Variants in CACNA2D1 observed in about 807,000 individuals in gnomAD.
CACNA2D1 encodes the protein voltage-dependent calcium channel subunit alpha-2/delta-1.
A neutral mutation model predicts 171.5 loss-of-function variants in CACNA2D1; 53 were observed. That is an observed-to-expected ratio of 0.31 (90% CI 0.25 to 0.39). The LOEUF is 0.39. Ranked by LOEUF, CACNA2D1 falls within the 10% of genes least tolerant of loss-of-function variation. CACNA2D1 has a pLI of 1.00. For synonymous variants in CACNA2D1, 442 were observed against 443.1 expected (o/e 1.00, Z 0.03); for missense variants, 903 against 1,299.8 (o/e 0.69, Z 4.69).
intron 3 of CACNA2D1, among the ~76,000 whole-genome samples, chr7:82,248,041 C>CTGGGG (rs1805144737): frequency 6.6e-6 from 1 of 152,184 alleles, no homozygotes; most frequent in Non-Finnish European, 1.5e-5. Flanking sequence ...CTTTAAAACA[C>CTGGGG]TGGGCATGCC....
intron 3 of CACNA2D1, among the ~76,000 whole-genome samples, chr7:82,178,187 T>C (rs1283572789): frequency 3.3e-5 from 5 of 152,018 alleles, no homozygotes; most frequent in African/African-American, 4.8e-5. Context: ...GCTTCTGGAG[T>C]GTGTCCTATA....
chr7:82,156,349 T>A (rs898764453), intron 4 of CACNA2D1, among the ~76,000 whole-genome samples: 1 of 152,084 alleles, frequency 6.6e-6, no homozygotes, highest in African/African-American at 2.4e-5. Context: ...AGGAAGCCCT[T>A]TATAACCCAG....
At chr7:82,436,803 T>C (rs1156503673) in intron 1 of CACNA2D1, among the ~76,000 whole-genome samples, 1 of 152,168 alleles carries the variant, frequency 6.6e-6, no homozygotes, top group Non-Finnish European at 1.5e-5. Flanking sequence ...AGCCCATTTA[T>C]TTCATTGCAC....
chr7:82,184,711 A>G (rs1585034244), intron 3 of CACNA2D1, among the ~76,000 whole-genome samples: 1 of 152,294 alleles, frequency 6.6e-6, no homozygotes, highest in East Asian at 1.9e-4. Flanking sequence ...GAAAAATTAA[A>G]ATTACATTCA....
At chr7:82,329,115 C>T (rs1816982718) in intron 3 of CACNA2D1, among the ~76,000 whole-genome samples, 1 of 151,686 alleles carries the variant, frequency 6.6e-6, no homozygotes, top group Non-Finnish European at 1.5e-5. Flanking sequence ...GAATGACTGG[C>T]CTAAGAGTTA....
At chr7:81,983,366 G>GA in intron 22 of CACNA2D1, 32 bp from the exon 23 acceptor site, 1 of 1,576,746 alleles carries the variant, frequency 6.3e-7, no homozygotes. Context: ...AGAAAGCAGG[G>GA]AAACAAAAAA....
intron 12 of CACNA2D1, among the ~76,000 whole-genome samples, chr7:82,014,824 C>T (rs1318214675): frequency 2.0e-5 from 3 of 152,098 alleles, no homozygotes; most frequent in East Asian, 1.9e-4. Context: ...GAGGCCCAGG[C>T]GGGCAGATCA....
At chr7:82,107,028 A>G (rs200818517) in intron 6 of CACNA2D1, among the ~76,000 whole-genome samples, 1 of 152,308 alleles carries the variant, frequency 6.6e-6, no homozygotes, top group Non-Finnish European at 1.5e-5. Flanking sequence ...TGTTTCTTAT[A>G]TATTTGGCCA....
intron 10 of CACNA2D1, among the ~76,000 whole-genome samples, chr7:82,044,519 AAAT>A (rs1804325307): frequency 1.3e-5 from 2 of 152,192 alleles, no homozygotes; most frequent in South Asian, 4.1e-4. Context: ...TTTTAAATTA[AAAT>A]AATATTAGTA....
At chr7:82,071,228 T>C (rs1210381293) in intron 7 of CACNA2D1, among the ~76,000 whole-genome samples, 2 of 152,176 alleles carry the variant, frequency 1.3e-5, no homozygotes, top group African/African-American at 2.4e-5. Context: ...TGCCAGAAAG[T>C]GTTTTAGACA....
At chr7:82,172,616 CTTTTTT>C (rs55737158) in intron 3 of CACNA2D1, among the ~76,000 whole-genome samples, 16 of 64,510 alleles carry the variant, frequency 2.5e-4, no homozygotes, top group Non-Finnish European at 3.1e-4. Context: ...AGAAACCCGG[CTTTTTT>C]TTTTTTTTTT....
intron 1 of CACNA2D1, among the ~76,000 whole-genome samples, chr7:82,439,855 A>C (rs2129459865): frequency 6.6e-6 from 1 of 151,994 alleles, no homozygotes; most frequent in Non-Finnish European, 1.5e-5. Flanking sequence ...GTTTTATTTT[A>C]CATTTAATAT....
chr7:82,065,015 T>C lies in CACNA2D1; in HGVS notation c.729-661A>G, dbSNP rs1340340011. 4.6e-5 allele frequency among the ~76,000 whole-genome samples: 7 copies of C among 152,258 alleles called. No individual in the cohort carries two copies. The East Asian group carries it at 1.4e-3, about 29-fold the overall frequency. The stretch of plus-strand genomic sequence containing the variant: ...TCAGTGGTTGTGGAGAGAGATCATC[T>C]TGATTGTGTATGACTGACCCAAAAG... On this transcript the variant is annotated intron_variant, in intron 8 of 38. Transcript: ENST00000356860.
chr7:82,147,904 T>C (rs1479272224), intron 4 of CACNA2D1, among the ~76,000 whole-genome samples: 1 of 152,168 alleles, frequency 6.6e-6, no homozygotes, highest in African/African-American at 2.4e-5. Context: ...ATAAAGGTAG[T>C]ACAGGGACAT....
chr7:82,199,072 TA>T (rs141679638), intron 3 of CACNA2D1, among the ~76,000 whole-genome samples: 1,695 of 152,280 alleles, frequency 0.011, 29 homozygotes, highest in East Asian at 0.072. Context: ...TTTATAGCTG[TA>T]ATAATCACAG....
intron 1 of CACNA2D1, among the ~76,000 whole-genome samples, chr7:82,367,113 T>C (rs1821827288): frequency 6.6e-6 from 1 of 151,858 alleles, no homozygotes; most frequent in African/African-American, 2.4e-5. Flanking sequence ...CCTCACCATG[T>C]TGCCCAGGCT....
chr7:81,983,385 G>C (rs1302069707), intron 22 of CACNA2D1, 51 bp from the exon 23 acceptor site: 4 of 1,400,048 alleles, frequency 2.9e-6, no homozygotes, highest in Non-Finnish European at 4.0e-6. Flanking sequence ...AAAAAAGAGG[G>C]TAAAGCAAAG....
chr7:82,343,075 A>G (rs976231858), intron 2 of CACNA2D1: 3 of 152,202 alleles, frequency 2.0e-5, no homozygotes, highest in African/African-American at 7.2e-5. Context: ...ACATATATAA[A>G]TGCATAATTT....
rs561481113 is a variant in CACNA2D1 at position 82,085,233 on chromosome 7, A to G, written c.527-333T>C. Among the ~76,000 whole-genome samples the G allele has an allele frequency of 5.3e-5, 8 of 152,280 alleles. No homozygotes were observed. The South Asian group carries it at 1.4e-3, about 28-fold the overall frequency. The stretch of plus-strand genomic sequence containing the variant: ...GAGGTCTAATCCTGTGAAAATGTTT[A>G]GCAGCATCTCTGGCCTCTATCCACT... On this transcript the variant is annotated intron_variant, in intron 6 of 38. Coordinates refer to ENST00000356860, the MANE Select transcript of CACNA2D1 (RefSeq NM_000722.4).
Sources: allele counts gnomAD v4.1 joint callset (sites outside exome capture counted in the v4.1 genomes callset), GRCh38; gene constraint gnomAD v4.1.1; transcripts MANE v1.5; gene names NCBI Gene and HGNC (gene_info 2026-07-23, HGNC 2026-07-21).